CYB5B: variants seen among roughly 807,000 people sequenced by gnomAD.
CYB5B encodes the protein cytochrome b5 type B.
Under a neutral mutation model 21.3 loss-of-function variants are expected in CYB5B, and 14 were observed. The ratio of observed to expected loss-of-function variants is 0.66; its 90% confidence interval spans 0.43 to 1.03. The LOEUF (loss-of-function observed/expected upper bound fraction) is 1.03. Ranked by LOEUF, CYB5B falls within the 50% of genes least tolerant of loss-of-function variation. The probability of loss-of-function intolerance (pLI) is 0.00; values close to 1 mark genes in which losing one functional copy is unlikely to be tolerated. For missense variants in CYB5B, 166 were observed against 185.1 expected (o/e 0.90, Z 0.60); for synonymous variants, 69 against 68.4 (o/e 1.01, Z -0.04).
intron 1 of CYB5B, among the ~76,000 whole-genome samples, chr16:69,434,397 C>A (rs74886830): frequency 0.022 from 3,297 of 152,218 alleles, 105 homozygotes; most frequent in African/African-American, 0.072. Flanking sequence ...AGTAAAATTG[C>A]TAGGAGTGAG....
chr16:69,432,906 C>G (rs767979651), intron 1 of CYB5B, among the ~76,000 whole-genome samples: 3 of 152,120 alleles, frequency 2.0e-5, no homozygotes, highest in Non-Finnish European at 4.4e-5. Context: ...AAGCGATTCT[C>G]CCTGCCTCAG....
intron 3 of CYB5B, among the ~76,000 whole-genome samples, chr16:69,454,937 A>G (rs777915276): frequency 4.6e-5 from 7 of 152,162 alleles, no homozygotes; most frequent in Non-Finnish European, 8.8e-5. Flanking sequence ...TCTGTTGCCC[A>G]GGCTGGAGTG....
intron 2 of CYB5B, 34 bp from the exon 3 acceptor site, chr16:69,448,081 C>G (rs1212916386): frequency 6.2e-7 from 1 of 1,606,844 alleles, no homozygotes; most frequent in Non-Finnish European, 8.5e-7. Context: ...TTGGCTATGT[C>G]TTAAAATATT....
rs915926664 is a variant in CYB5B at position 69,425,255 on chromosome 16, A to G, written c.174+398A>G. 3.2e-4 allele frequency among the ~76,000 whole-genome samples: 48 copies of G among 152,094 alleles called. 1 individual carries two copies. The highest frequency in any genetic ancestry group is 1.5e-4 in the Non-Finnish European group (10 of 68,026). On this transcript the variant is annotated intron_variant, in intron 1 of 4. Coordinates refer to ENST00000307892, the MANE Select transcript of CYB5B (RefSeq NM_030579.3). ...AGTGCACCCACATCTGTGCTTTTCCAGTGTGCCTTCTGAAGTAATACCGGT... is the reference window on the plus strand; with the variant it reads ...AGTGCACCCACATCTGTGCTTTTCCGGTGTGCCTTCTGAAGTAATACCGGT...
Position 69,464,237 on chromosome 16 carries a change from C to G in CYB5B, c.*1717C>G, listed in dbSNP as rs1379214890. 1 of 152,108 alleles carries G rather than the reference C, an allele frequency of 6.6e-6. No homozygotes were observed. Among genetic ancestry groups the G allele is most frequent in the Non-Finnish European group, 1.5e-5 (1 of 68,018 alleles). 9.4% of individuals were successfully genotyped at this position (152,108 alleles called of 1,614,324 possible). On this transcript the variant is annotated 3_prime_UTR_variant, in exon 5 of 5. Transcript: ENST00000307892. ...CAGAATTCATCAAAATAATATTAAC[C>G]TTGTACTTGCACACTTGGATATATT...
chr16:69,441,921 A>C (rs1366716640), intron 1 of CYB5B, among the ~76,000 whole-genome samples: 2 of 152,166 alleles, frequency 1.3e-5, no homozygotes. Flanking sequence ...AAGGTTTGCT[A>C]CTTTTCCTGG....
chr16:69,431,601 A>G (rs1288238775), intron 1 of CYB5B, among the ~76,000 whole-genome samples: 1 of 152,036 alleles, frequency 6.6e-6, no homozygotes, highest in African/African-American at 2.4e-5. Flanking sequence ...GCAAAACCCC[A>G]TCTCTACAAA....
At chr16:69,459,014 C>A (rs780677623) in intron 3 of CYB5B, 79 bp from the exon 4 acceptor site, 18 of 1,346,842 alleles carry the variant, frequency 1.3e-5, no homozygotes, top group Non-Finnish European at 1.8e-5. Context: ...ATAGCTTGAT[C>A]AAGAAAATGT....
chr16:69,460,550 G>A (rs889587602), intron 4 of CYB5B, among the ~76,000 whole-genome samples: 5 of 152,018 alleles, frequency 3.3e-5, no homozygotes, highest in South Asian at 2.1e-4. Flanking sequence ...GTTTATCACC[G>A]ACTCTTAAGC....
rs80176766 is a variant in CYB5B at position 69,464,956 on chromosome 16, C to A, written c.*2436C>A. The A allele has an allele frequency of 0.027, 4,108 of 152,674 alleles. 70 individuals carry two copies. The highest frequency in any genetic ancestry group is 0.046 in the East Asian group (237 of 5,184). 9.5% of individuals were successfully genotyped at this position (152,674 alleles called of 1,614,324 possible). A position where few individuals can be genotyped will look rare whatever the true frequency, so the allele number is the denominator to read the frequency against. Reference sequence around the variant, plus strand: ...GCCTACAAAAACAGCCAGGTGAAAGCTAAATCTTGTGTGAGAGTTTGCAGA... The same window carrying A: ...GCCTACAAAAACAGCCAGGTGAAAGATAAATCTTGTGTGAGAGTTTGCAGA... On this transcript the variant is annotated 3_prime_UTR_variant, in exon 5 of 5. Coordinates refer to ENST00000307892, the MANE Select transcript of CYB5B (RefSeq NM_030579.3).
intron 3 of CYB5B, 92 bp from the exon 4 acceptor site, chr16:69,459,001 G>A: frequency 8.3e-7 from 1 of 1,204,796 alleles, no homozygotes. Flanking sequence ...TTACAGGGTT[G>A]ACATAGCTTG....
chr16:69,456,298 G>GC (rs1460273295), intron 3 of CYB5B, among the ~76,000 whole-genome samples: 2 of 152,060 alleles, frequency 1.3e-5, no homozygotes, highest in Admixed American at 6.6e-5. Context: ...GAACCAAGGT[G>GC]CCCAGCCCTA....
intron 1 of CYB5B, among the ~76,000 whole-genome samples, chr16:69,439,031 T>A (rs1019404299): frequency 6.6e-6 from 1 of 152,218 alleles, no homozygotes; most frequent in Admixed American, 6.5e-5. Context: ...ATTGTCAATC[T>A]CAAGGTCATG....
chr16:69,430,391 G>A (rs1266740910), intron 1 of CYB5B, among the ~76,000 whole-genome samples: 3 of 151,750 alleles, frequency 2.0e-5, no homozygotes, highest in African/African-American at 4.8e-5. Context: ...AATTTTTTTG[G>A]TATTTTTTTT....
chr16:69,464,113 C>T lies in CYB5B; in HGVS notation c.*1593C>T, dbSNP rs2015062973. On this transcript the variant is annotated 3_prime_UTR_variant, in exon 5 of 5. Coordinates refer to ENST00000307892, the MANE Select transcript of CYB5B (RefSeq NM_030579.3). ...CCAGCTTGCCAGGGATTTGATGAGA[C>T]AGGAAACTGCCCAGCAAACCAGGGA... 1 of 152,166 alleles carries T rather than the reference C, an allele frequency of 6.6e-6. No individual in the cohort carries two copies. Among genetic ancestry groups the T allele is most frequent in the African/African-American group, 2.4e-5 (1 of 41,422 alleles). 9.4% of individuals were successfully genotyped at this position (152,166 alleles called of 1,614,324 possible).
chr16:69,448,688 T>G (rs2014902089), intron 3 of CYB5B: 1 of 154,042 alleles, frequency 6.5e-6, no homozygotes, highest in Non-Finnish European at 1.4e-5. Context: ...TTTGAAAACT[T>G]TAATGTGTAC....
At chr16:69,459,524 A>G (rs2015013551) in intron 4 of CYB5B, 1 of 159,464 alleles carries the variant, frequency 6.3e-6, no homozygotes, top group Non-Finnish European at 1.4e-5. Context: ...CTATTATTAC[A>G]TATTGCAGGA....
chr16:69,424,655 G>C lies in CYB5B; in HGVS notation c.-29G>C, dbSNP rs751738022. The stretch of plus-strand genomic sequence containing the variant: ...GCGGGCTCTCAAGGAAAGTAGTCGC[G>C]GAATCTCAGTTAGCGGTGGAGAGGC... On this transcript the variant is annotated 5_prime_UTR_variant, in exon 1 of 5. Coordinates refer to ENST00000307892, the MANE Select transcript of CYB5B (RefSeq NM_030579.3). 3.3e-6 allele frequency: 5 copies of C among 1,505,604 alleles called. No individual in the cohort carries two copies. Among genetic ancestry groups the C allele is most frequent in the Middle Eastern group, 3.6e-4 (2 of 5,602 alleles). 93.3% of individuals were successfully genotyped at this position (1,505,604 alleles called of 1,614,324 possible).
intron 3 of CYB5B, among the ~76,000 whole-genome samples, chr16:69,453,663 C>G (rs570448383): frequency 6.6e-6 from 1 of 152,220 alleles, no homozygotes; most frequent in Non-Finnish European, 1.5e-5. Flanking sequence ...TCAAGCCATT[C>G]TCCTCCTGCC....
Sources: allele counts gnomAD v4.1 joint callset (sites outside exome capture counted in the v4.1 genomes callset), GRCh38; gene constraint gnomAD v4.1.1; transcripts MANE v1.5; gene names NCBI Gene and HGNC (gene_info 2026-07-23, HGNC 2026-07-21).